MECOM: variants seen among roughly 807,000 people sequenced by gnomAD.
MECOM encodes histone-lysine N-methyltransferase MECOM.
A neutral mutation model predicts 116.3 loss-of-function variants in MECOM; 13 were observed. That is an observed-to-expected ratio of 0.11 (90% CI 0.07 to 0.18). The LOEUF is 0.18. Among genes scored for constraint, MECOM ranks in the 10% least tolerant of loss-of-function variants. MECOM has a pLI of 1.00. For missense variants in MECOM, 1,299 were observed against 1,509.0 expected (o/e 0.86, Z 2.31); for synonymous variants, 528 against 535.2 (o/e 0.99, Z 0.19).
chr3:169,284,640 T>C (rs1712893562), intron 2 of MECOM, among the ~76,000 whole-genome samples: 4 of 151,962 alleles, frequency 2.6e-5, no homozygotes, highest in Admixed American at 2.6e-4. Context: ...CATATATATA[T>C]GCTAAGAATG....
intron 1 of MECOM, among the ~76,000 whole-genome samples, chr3:169,648,880 C>G (rs967089320): frequency 6.6e-6 from 1 of 152,184 alleles, no homozygotes; most frequent in Non-Finnish European, 1.5e-5. Flanking sequence ...TTAATCAGAT[C>G]TTTGCTCTCA....
At chr3:169,450,308 G>GA (rs1745337234) in intron 1 of MECOM, among the ~76,000 whole-genome samples, 1 of 152,102 alleles carries the variant, frequency 6.6e-6, no homozygotes. Context: ...GCACCAGGAA[G>GA]AAAATCACCA....
At chr3:169,168,934 AAATAG>A (rs1367476278) in intron 2 of MECOM, among the ~76,000 whole-genome samples, 6 of 151,914 alleles carry the variant, frequency 3.9e-5, no homozygotes, top group East Asian at 1.9e-4. Context: ...ATTTAGATAA[AAATAG>A]AATAGATTGT....
intron 1 of MECOM, among the ~76,000 whole-genome samples, chr3:169,472,633 A>AAAAGGAAAGGAAAGG (rs1293944139): frequency 5.0e-5 from 3 of 60,338 alleles, no homozygotes; most frequent in South Asian, 4.8e-4. Context: ...AAAAGAAAAG[A>AAAAGGAAAGGAAAGG]AAAGGAAAGG....
chr3:169,290,132 T>C (rs1162466716), intron 2 of MECOM, among the ~76,000 whole-genome samples: 1 of 152,068 alleles, frequency 6.6e-6, no homozygotes, highest in Middle Eastern at 3.2e-3. Flanking sequence ...CTTTAATATG[T>C]CCAAATAAAA....
At chr3:169,370,048 A>T (rs1180921175) in intron 2 of MECOM, among the ~76,000 whole-genome samples, 1 of 151,950 alleles carries the variant, frequency 6.6e-6, no homozygotes, top group Admixed American at 6.6e-5. Flanking sequence ...AAATAAATTA[A>T]ACTTTTTCCC....
chr3:169,152,051 A>G (rs539700413), intron 2 of MECOM, among the ~76,000 whole-genome samples: 1 of 152,276 alleles, frequency 6.6e-6, no homozygotes, highest in Non-Finnish European at 1.5e-5. Context: ...GTATTTTGCA[A>G]GCTTTGTTCT....
intron 3 of MECOM, among the ~76,000 whole-genome samples, chr3:169,140,407 T>A (rs560526724): frequency 6.6e-5 from 10 of 152,240 alleles, no homozygotes; most frequent in African/African-American, 2.4e-4. Context: ...TGTGACTCAA[T>A]TGACTAGTGT....
intron 2 of MECOM, among the ~76,000 whole-genome samples, chr3:169,313,685 T>C (rs1030972619): frequency 2.6e-5 from 4 of 152,176 alleles, no homozygotes; most frequent in Admixed American, 2.6e-4. Context: ...ACAGATATGG[T>C]TATTATCAGC....
At chr3:169,207,960 T>C (rs1221835546) in intron 2 of MECOM, among the ~76,000 whole-genome samples, 1 of 152,156 alleles carries the variant, frequency 6.6e-6, no homozygotes, top group Admixed American at 6.6e-5. Context: ...CACTTGAGCC[T>C]GTATAACAAG....
At chr3:169,140,817 A>T (rs369952553) in intron 3 of MECOM, among the ~76,000 whole-genome samples, 3,281 of 151,862 alleles carry the variant, frequency 0.022, 125 homozygotes, top group African/African-American at 0.075. Flanking sequence ...TTTCATTTTT[A>T]TTTTTTCTGA....
At chr3:169,606,773 C>A (rs1768630298) in intron 1 of MECOM, among the ~76,000 whole-genome samples, 2 of 152,184 alleles carry the variant, frequency 1.3e-5, no homozygotes, top group African/African-American at 4.8e-5. Context: ...CACTACCATC[C>A]ATCTACTTTC....
Position 169,409,500 on chromosome 3 carries a change from GC to G in MECOM, c.38-27977del, listed in dbSNP as rs903481785. Among the ~76,000 whole-genome samples, 547 of 152,154 alleles carry G rather than the reference GC, an allele frequency of 3.6e-3. 5 individuals carry two copies. The highest frequency in any genetic ancestry group is 0.013 in the African/African-American group (536 of 41,504). On this transcript the variant is annotated intron_variant, in intron 1 of 16. Transcript: ENST00000651503. ...TAAAATATTATCCTCAACCTATCTA[GC>G]CCCAAACCACAGGTGAGTACATTTT...
At chr3:169,589,744 C>T (rs1412519617) in intron 1 of MECOM, among the ~76,000 whole-genome samples, 1 of 152,184 alleles carries the variant, frequency 6.6e-6, no homozygotes, top group African/African-American at 2.4e-5. Flanking sequence ...TTCTCATCTT[C>T]ATCGCCACAC....
chr3:169,329,469 TTGTC>T (rs1346996405), intron 2 of MECOM, among the ~76,000 whole-genome samples: 3 of 152,210 alleles, frequency 2.0e-5, no homozygotes, highest in East Asian at 3.9e-4. Context: ...AAGTGCCTGT[TTGTC>T]TGTGTGCAAA....
chr3:169,564,490 T>C (rs1280545266), intron 1 of MECOM, among the ~76,000 whole-genome samples: 1 of 152,216 alleles, frequency 6.6e-6, no homozygotes, highest in Non-Finnish European at 1.5e-5. Flanking sequence ...AAATAAGCTA[T>C]AGATGTGATA....
At chr3:169,306,645 C>T (rs1285282529) in intron 2 of MECOM, among the ~76,000 whole-genome samples, 2 of 152,218 alleles carry the variant, frequency 1.3e-5, no homozygotes, top group African/African-American at 4.8e-5. Flanking sequence ...CATGCCATTG[C>T]ACTCCAGCCT....
intron 2 of MECOM, among the ~76,000 whole-genome samples, chr3:169,256,246 T>C (rs1457397978): frequency 1.3e-5 from 2 of 152,024 alleles, no homozygotes; most frequent in Non-Finnish European, 2.9e-5. Context: ...TACTGTATAA[T>C]GTTCCCCAAA....
intron 1 of MECOM, among the ~76,000 whole-genome samples, chr3:169,516,679 C>A (rs773531342): frequency 6.6e-6 from 1 of 152,104 alleles, no homozygotes; most frequent in Non-Finnish European, 1.5e-5. Flanking sequence ...CAGAACCCAG[C>A]TCTTAATTAT....
Sources: gnomAD v4.1 joint callset for allele counts (sites outside exome capture counted in the v4.1 genomes callset) on GRCh38, gnomAD v4.1.1 for gene constraint, MANE v1.5 for transcripts, NCBI Gene and HGNC (gene_info 2026-07-23, HGNC 2026-07-21) for gene names.